The following CDH26 variants were observed in gnomAD, a reference collection of about 807,000 sequenced individuals.
CDH26 encodes cadherin 26.
CDH26 carries 83 observed loss-of-function variants against 90.3 expected under a neutral mutation model. The observed-to-expected ratio is 0.92, with a 90% confidence interval of 0.77 to 1.10. The LOEUF is 1.10. CDH26 is among the 50% of genes least tolerant of loss of function. The pLI is 0.00. For missense variants in CDH26, 1,013 were observed against 1,037.6 expected (o/e 0.98, Z 0.33); for synonymous variants, 397 against 396.3 (o/e 1.00, Z -0.02).
chr20:60,012,411 C>A, intron 17 of CDH26, 116 bp from the exon 18 acceptor site: 2 of 905,958 alleles, frequency 2.2e-6, no homozygotes, highest in Non-Finnish European at 3.3e-6. Context: ...GCTGAGGACA[C>A]GGGGCCTGAG....
intron 16 of CDH26, 38 bp downstream of exon 16, chr20:60,002,904 C>T: frequency 7.1e-7 from 1 of 1,417,354 alleles, no homozygotes; most frequent in Non-Finnish European, 9.6e-7. Context: ...AACAAATTTA[C>T]CTTATTGTTC....
At chr20:59,994,920 T>G (rs1434026464) in intron 11 of CDH26, among the ~76,000 whole-genome samples, 2 of 152,186 alleles carry the variant, frequency 1.3e-5, no homozygotes, top group South Asian at 2.1e-4. Context: ...CACCCTCTCC[T>G]GATTCATACT....
Position 59,968,025 on chromosome 20 carries a change from G to GTCTCTC in CDH26, c.70-920_70-915dup, listed in dbSNP as rs777837348. Among the ~76,000 whole-genome samples, 244 of 57,212 alleles carry GTCTCTC rather than the reference G, an allele frequency of 4.3e-3. 1 individual carries two copies. The highest frequency in any genetic ancestry group is 6.6e-3 in the Non-Finnish European group (198 of 30,228). The allele number at this position is 57,212 out of a possible 152,430, so 37.5% of individuals were successfully genotyped here. A position where few individuals can be genotyped will look rare whatever the true frequency, so the allele number is the denominator to read the frequency against. On this transcript the variant is annotated intron_variant, in intron 1 of 17. Transcript: ENST00000348616. Reference sequence around the variant, plus strand: ...TTTCTTTCTTTCTTCCTTTCTCTCTGTCTCTCTCTCTCTCTCTCTCTCTCT... The same window carrying GTCTCTC: ...TTTCTTTCTTTCTTCCTTTCTCTCTGTCTCTCTCTCTCTCTCTCTCTCTCTCTCTCT...
chr20:59,968,883 T>C (rs1472337713), intron 1 of CDH26, 84 bp from the exon 2 acceptor site: 6 of 637,904 alleles, frequency 9.4e-6, no homozygotes, highest in African/African-American at 1.9e-5. Flanking sequence ...CATTTCTAAT[T>C]CTAGATTTGT....
At position 59,982,171 on chromosome 20, in the gene CDH26, C is replaced by T. The variant is rs1211090100; in HGVS notation, c.394-752C>T. On this transcript the variant is annotated intron_variant, in intron 4 of 17. Coordinates refer to ENST00000348616, the MANE Select transcript of CDH26 (RefSeq NM_177980.4). ...CTTCCTTATTTTCCCTCATCAGTCC[C>T]CCTAGAGGTTTATTCATTTTATTGA... 2.0e-5 allele frequency among the ~76,000 whole-genome samples: 3 copies of T among 152,194 alleles called. No homozygotes were observed. In the East Asian group the frequency reaches 5.8e-4, roughly 29 times the overall value.
At chr20:60,024,279 A>G (rs796313861) in intron 7 of CDH26, among the ~76,000 whole-genome samples, 11 of 152,294 alleles carry the variant, frequency 7.2e-5, no homozygotes, top group African/African-American at 2.6e-4. Flanking sequence ...CACACTGGGT[A>G]CGGCAGGGGA....
chr20:60,029,947 A>G (rs1248005480), intron 7 of CDH26, among the ~76,000 whole-genome samples: 1 of 152,176 alleles, frequency 6.6e-6, no homozygotes, highest in Non-Finnish European at 1.5e-5. Context: ...ATAAATAAAT[A>G]AATAATATAT....
chr20:60,011,955 C>A (rs1321747752), intron 17 of CDH26, among the ~76,000 whole-genome samples: 1 of 151,878 alleles, frequency 6.6e-6, no homozygotes, highest in East Asian at 1.9e-4. Flanking sequence ...GAAGCCATGG[C>A]CTGAGCATGA....
rs1601102126 is a variant in CDH26, at chr20:59,971,810, A to G, written c.232-152A>G. 5.0e-6 allele frequency: 3 copies of G among 600,522 alleles called. No homozygotes were observed. The East Asian group carries it at 8.3e-5, about 17-fold the overall frequency. The allele number at this position is 600,522 out of a possible 1,614,324, so 37.2% of individuals were successfully genotyped here. ...AACAGTTCAACATCATTGTTCCTGC[A>G]TCTCAGCCCATCTGTTTATTTCTTT... On this transcript the variant is annotated intron_variant, in intron 3 of 17. Transcript: ENST00000348616.
chr20:59,986,331 G>A (rs1024302136), intron 7 of CDH26, among the ~76,000 whole-genome samples: 1 of 152,342 alleles, frequency 6.6e-6, no homozygotes, highest in South Asian at 2.1e-4. Flanking sequence ...GAAAACCGCT[G>A]TGTAAGATGG....
At chr20:60,033,304 A>G (rs1450485067) in intron 8 of CDH26, among the ~76,000 whole-genome samples, 1 of 152,158 alleles carries the variant, frequency 6.6e-6, no homozygotes, top group Non-Finnish European at 1.5e-5. Flanking sequence ...TTGTAATAAG[A>G]TTTTTGGTGG....
chr20:60,025,243 A>T (rs564975559), intron 7 of CDH26, among the ~76,000 whole-genome samples: 3 of 152,310 alleles, frequency 2.0e-5, no homozygotes, highest in Non-Finnish European at 4.4e-5. Flanking sequence ...ATAGAAAACC[A>T]CTGATGCATA....
At chr20:59,999,761 T>C in intron 14 of CDH26, 98 bp downstream of exon 14, 1 of 1,091,956 alleles carries the variant, frequency 9.2e-7, no homozygotes, top group Non-Finnish European at 1.4e-6. Context: ...CAGTGCCACA[T>C]CCAGGGAGGT....
intron 16 of CDH26, among the ~76,000 whole-genome samples, chr20:60,004,635 G>A (rs1047372331): frequency 6.6e-5 from 10 of 151,606 alleles, no homozygotes; most frequent in African/African-American, 1.5e-4. Flanking sequence ...ACGTGGTGGC[G>A]GGCGCCTGTA....
At position 60,013,931 on chromosome 20, in the gene CDH26, G is replaced by C. The variant is rs561892953; in HGVS notation, c.*1201G>C. The C allele has an allele frequency of 6.6e-6, 1 of 152,134 alleles. No homozygotes were observed. Among genetic ancestry groups the C allele is most frequent in the Admixed American group, 6.5e-5 (1 of 15,274 alleles). The allele number at this position is 152,134 out of a possible 1,614,324, so 9.4% of individuals were successfully genotyped here. A position where few individuals can be genotyped will look rare whatever the true frequency, so the allele number is the denominator to read the frequency against. On this transcript the variant is annotated 3_prime_UTR_variant, in exon 18 of 18. Transcript: ENST00000348616. Reference sequence around the variant, plus strand: ...ACTGGAATGTCTGAATGGGACGCTTGAATGTGTAGAACAGCTGTACTGATC... The same window carrying C: ...ACTGGAATGTCTGAATGGGACGCTTCAATGTGTAGAACAGCTGTACTGATC...
chr20:59,967,961 T>A (rs373729110), intron 1 of CDH26, among the ~76,000 whole-genome samples: 287 of 22,246 alleles, frequency 0.013, 6 homozygotes, highest in Middle Eastern at 0.1. Context: ...CTTTCTATCT[T>A]TCTTTCTTTC....
intron 15 of CDH26, among the ~76,000 whole-genome samples, chr20:60,002,337 C>A (rs527637119): frequency 6.6e-6 from 1 of 151,506 alleles, no homozygotes; most frequent in Admixed American, 6.6e-5. Flanking sequence ...TGGTCCTGTT[C>A]GGGCCAGCTG....
At chr20:60,026,929 A>T (rs768712984) in intron 7 of CDH26, among the ~76,000 whole-genome samples, 1 of 152,240 alleles carries the variant, frequency 6.6e-6, no homozygotes, top group South Asian at 2.1e-4. Context: ...CTGGAACAGC[A>T]TAAGTGCTCA....
At chr20:59,967,892 C>CT (rs1569024405) in intron 1 of CDH26, among the ~76,000 whole-genome samples, 10 of 120,370 alleles carry the variant, frequency 8.3e-5, no homozygotes, top group African/African-American at 3.7e-4. Context: ...TTCCTTCCTT[C>CT]CTTCCTTCCT....
Sources: allele counts gnomAD v4.1 joint callset (sites outside exome capture counted in the v4.1 genomes callset), GRCh38; gene constraint gnomAD v4.1.1; transcripts MANE v1.5; gene names NCBI Gene and HGNC (gene_info 2026-07-23, HGNC 2026-07-21).